The following TRIM7 variants were observed in gnomAD, a reference collection of about 807,000 sequenced individuals.
TRIM7 encodes E3 ubiquitin-protein ligase TRIM7.
In TRIM7, 32 loss-of-function variants were observed where a neutral mutation model predicts 37.9. That is an observed-to-expected ratio of 0.84 (90% CI 0.64 to 1.13). The LOEUF is 1.13. Among genes scored for constraint, TRIM7 ranks in the 50% most tolerant of loss-of-function variants. The pLI is 0.00. For synonymous variants in TRIM7, 351 were observed against 321.3 expected, an observed-to-expected ratio of 1.09 and a Z score of -0.99; for missense variants, 732 against 714.0, an observed-to-expected ratio of 1.03 and a Z score of -0.29.
At chr5:181,197,736 C>G (rs1459472884) in intron 6 of TRIM7, 1 of 175,680 alleles carries the variant, frequency 5.7e-6, no homozygotes, top group Admixed American at 5.9e-5. Flanking sequence ...TATGTGCCCT[C>G]CCCTCCCCTC....
At position 181,204,679 on chromosome 5, in the gene TRIM7, G is replaced by A; in HGVS notation, c.432C>T (p.Asp144=). Residue 144 remains aspartate (D), a synonymous_variant, in exon 1 of 7, where the codon GAC becomes GAT. Transcript: ENST00000274773. ...GEPFKLYCQD[D]GRAICVVCDR... The stretch of plus-strand genomic sequence containing the variant: ...CGCACACCACGCAGATGGCGCGTCC[G>A]TCGTCCTGGCAGTAGAGCTTGAAGG... The A allele has an allele frequency of 1.3e-6, 2 of 1,511,788 alleles. No individual in the cohort carries two copies. Among genetic ancestry groups the A allele is most frequent in the Non-Finnish European group, 1.8e-6 (2 of 1,141,146 alleles). The allele number at this position is 1,511,788 out of a possible 1,614,324, so 93.6% of individuals were successfully genotyped here.
At chr5:181,199,407 C>A (rs1343165942) in intron 3 of TRIM7, 3 of 535,694 alleles carry the variant, frequency 5.6e-6, no homozygotes, top group Non-Finnish European at 1.0e-5. Flanking sequence ...CCCATGGGAC[C>A]CAGTGCTGCG....
Position 181,194,669 on chromosome 5 carries a change from C to T in TRIM7, c.*497G>A, listed in dbSNP as rs142128717. The T allele has an allele frequency of 6.5e-6, 1 of 153,504 alleles. No individual in the cohort carries two copies. Among genetic ancestry groups the T allele is most frequent in the Non-Finnish European group, 1.5e-5 (1 of 68,960 alleles). The allele number at this position is 153,504 out of a possible 1,614,324, so 9.5% of individuals were successfully genotyped here. A position where few individuals can be genotyped will look rare whatever the true frequency, so the allele number is the denominator to read the frequency against. On this transcript the variant is annotated 3_prime_UTR_variant, in exon 7 of 7. Coordinates refer to ENST00000274773, the MANE Select transcript of TRIM7 (RefSeq NM_203293.3). ...TCTGAGCTGGGAGCACAGGGCTCCT[C>T]CCTGAGTAGATGACCTGTCAGGTCA...
At chr5:181,200,203 A>T in intron 2 of TRIM7, 122 bp from the exon 3 acceptor site, 1 of 1,582,968 alleles carries the variant, frequency 6.3e-7, no homozygotes, top group East Asian at 2.2e-5. Context: ...TCGGAGACAC[A>T]CCCACCTACG....
chr5:181,198,664 G>A (rs1298806602), intron 5 of TRIM7, 26 bp downstream of exon 5: 2 of 1,538,922 alleles, frequency 1.3e-6, no homozygotes, highest in Non-Finnish European at 1.8e-6. Context: ...GCACTATGTG[G>A]CCCAGCTTGG....
At chr5:181,197,569 A>G (rs2545056) in intron 6 of TRIM7, 22,638 of 153,706 alleles carry the variant, frequency 0.15, 4,965 homozygotes, top group African/African-American at 0.49. Context: ...GTGAGGCTAG[A>G]GCCCGTGGGC....
At chr5:181,197,605 A>T (rs1446963864) in intron 6 of TRIM7, 1 of 155,304 alleles carries the variant, frequency 6.4e-6, no homozygotes, top group African/African-American at 2.4e-5. Flanking sequence ...GGGGACTCTG[A>T]CCTTTACCAA....
intron 2 of TRIM7, chr5:181,203,076 C>T (rs181389889): frequency 5.0e-6 from 1 of 199,488 alleles, no homozygotes; most frequent in East Asian, 1.8e-4. Context: ...AGCCCCTTCT[C>T]CGTTAGCCTC....
chr5:181,198,485 C>T (rs1332174499), intron 5 of TRIM7, among the ~76,000 whole-genome samples: 1 of 152,196 alleles, frequency 6.6e-6, no homozygotes, highest in Non-Finnish European at 1.5e-5. Flanking sequence ...ACCCCTCTAC[C>T]CCATCTGTGC....
In TRIM7 at chr5:181,195,288, C is replaced by T; in HGVS notation, c.1414G>A (p.Val472Met). 2 of 1,605,384 alleles carry T rather than the reference C, an allele frequency of 1.2e-6. No homozygotes were observed. The highest frequency in any genetic ancestry group is 1.7e-6 in the Non-Finnish European group (2 of 1,176,296). The part of the protein sequence containing the change: ...RVALDLEVGA[V>M]SFYAVEDMRH... ...ATGTCCTCCACAGCGTAGAAGGACA[C>T]GGCTCCCACCTCCAGGTCCAGGGCC... Residue 472 changes from valine (V) to methionine (M), a missense_variant, in exon 7 of 7, where the codon GTG becomes ATG. Transcript: ENST00000274773.
chr5:181,204,801 GC>G lies in TRIM7; in HGVS notation c.309del (p.Arg104GlyfsTer78), dbSNP rs1757721327. On this transcript the variant is annotated frameshift_variant, in exon 1 of 7. Coordinates refer to ENST00000274773, the MANE Select transcript of TRIM7 (RefSeq NM_203293.3). LOFTEE classifies it high-confidence loss of function. ...GCAGCCGCGGGCAGGCTGAAGCGCC[GC>G]AGGAGCGTGGCCACTGCCGCCAGCT... ...NRQLAAVATL[L>X]RRFSLPAAAP... 7.1e-7 allele frequency: 1 copy of G among 1,411,520 alleles called. No individual in the cohort carries two copies. Among genetic ancestry groups the G allele is most frequent in the East Asian group, 3.1e-5 (1 of 32,484 alleles). The allele number at this position is 1,411,520 out of a possible 1,614,324, so 87.4% of individuals were successfully genotyped here.
chr5:181,204,352 A>G, intron 1 of TRIM7: 1 of 1,200,384 alleles, frequency 8.3e-7, no homozygotes, highest in Non-Finnish European at 1.0e-6. Context: ...GCGGCCCAGT[A>G]TCTGGCCCAG....
Position 181,198,242 on chromosome 5 carries a change from G to A in TRIM7, c.989-24C>T, listed in dbSNP as rs752396687. On this transcript the variant is annotated intron_variant, in intron 5 of 6. Coordinates refer to ENST00000274773, the MANE Select transcript of TRIM7 (RefSeq NM_203293.3). Reference sequence around the variant, plus strand: ...CTCTGAGGAGGAGAAACAAAGCAAGGCGTGCATGAGCGACACGGGAGATTA... The same window carrying A: ...CTCTGAGGAGGAGAAACAAAGCAAGACGTGCATGAGCGACACGGGAGATTA... The A allele has an allele frequency of 2.3e-5, 37 of 1,613,514 alleles. No homozygotes were observed. The East Asian group carries it at 3.6e-4, about 16-fold the overall frequency.
At chr5:181,199,558 A>G (rs968588649) in intron 3 of TRIM7, 7 of 510,138 alleles carry the variant, frequency 1.4e-5, no homozygotes, top group Non-Finnish European at 2.4e-5. Context: ...GCGAAATAGA[A>G]TAGAAAACAT....
intron 4 of TRIM7, 58 bp from the exon 5 acceptor site, chr5:181,198,863 T>C (rs1757302910): frequency 1.4e-6 from 2 of 1,388,140 alleles, no homozygotes; most frequent in Non-Finnish European, 2.0e-6. Context: ...CCACAGGCTG[T>C]GACAATTAGG....
At chr5:181,200,962 CT>C in intron 2 of TRIM7, 1 of 982,068 alleles carries the variant, frequency 1.0e-6, no homozygotes, top group Non-Finnish European at 1.2e-6. Flanking sequence ...TATTAACTCC[CT>C]CAACCCTGAC....
At chr5:181,197,942 C>T in intron 6 of TRIM7, 1 of 560,288 alleles carries the variant, frequency 1.8e-6, no homozygotes, top group Non-Finnish European at 3.2e-6. Context: ...GTCTGAGTAT[C>T]TCGAGGTACA....
rs767779957 is a variant in TRIM7 at position 181,204,585 on chromosome 5, T to G, written c.522+4A>C. 9.1e-5 allele frequency: 128 copies of G among 1,399,202 alleles called. No individual in the cohort carries two copies. Among genetic ancestry groups the G allele is most frequent in the Non-Finnish European group, 1.1e-4 (121 of 1,083,822 alleles). The allele number at this position is 1,399,202 out of a possible 1,614,324, so 86.7% of individuals were successfully genotyped here. ...CCCACGGGGTGGGTGGGGGCTGCGC[T>G]CACCTTGGCCTCCTGCACCGCCTCG... On this transcript the variant is annotated splice_donor_region_variant and intron_variant, in intron 1 of 6. Coordinates refer to ENST00000274773, the MANE Select transcript of TRIM7 (RefSeq NM_203293.3).
intron 5 of TRIM7, 154 bp from the exon 6 acceptor site, chr5:181,198,372 C>T (rs900365117): frequency 8.0e-5 from 66 of 820,984 alleles, no homozygotes; most frequent in South Asian, 2.9e-4. Context: ...GCATGGGGAG[C>T]GGGGGGCAGG....
Sources: gnomAD v4.1 joint callset for allele counts (sites outside exome capture counted in the v4.1 genomes callset) on GRCh38, gnomAD v4.1.1 for gene constraint, MANE v1.5 for transcripts, NCBI Gene and HGNC (gene_info 2026-07-23, HGNC 2026-07-21) for gene names.